CILP2: variants seen among roughly 807,000 people sequenced by gnomAD.
CILP2 encodes the protein cartilage intermediate layer protein 2.
In CILP2, 38 loss-of-function variants were observed where a neutral mutation model predicts 45.6. The ratio of observed to expected loss-of-function variants is 0.83; its 90% confidence interval spans 0.64 to 1.09. CILP2 has a LOEUF of 1.09. Among genes scored for constraint, CILP2 ranks in the 50% least tolerant of loss-of-function variants. The pLI is 0.00. For synonymous variants in CILP2, 780 were observed against 723.5 expected (o/e 1.08, Z -1.25); for missense variants, 1,735 against 1,662.2 (o/e 1.04, Z -0.76).
intron 4 of CILP2, among the ~76,000 whole-genome samples, chr19:19,541,924 C>T (rs1345380278): frequency 6.6e-6 from 1 of 152,178 alleles, no homozygotes; most frequent in Non-Finnish European, 1.5e-5. Context: ...CACCCCATCG[C>T]GCCTGGCTCT....
chr19:19,543,984 T>C lies in CILP2; in HGVS notation c.1439T>C (p.Val480Ala). The C allele has an allele frequency of 6.2e-7, 1 of 1,613,282 alleles. No homozygotes were observed. Among genetic ancestry groups the C allele is most frequent in the Non-Finnish European group, 8.5e-7 (1 of 1,179,758 alleles). Residue 480 changes from valine to alanine, a missense_variant, in exon 8 of 8, where the codon GTG becomes GCG. Transcript: ENST00000291495. ...CGGGGGCTGGTCCGGGGCCGTGTTGTGGCTGCTGACTCCGGGGAGCCGCTA... is the reference window on the plus strand; with the variant it reads ...CGGGGGCTGGTCCGGGGCCGTGTTGCGGCTGCTGACTCCGGGGAGCCGCTA... ...PPRGLVRGRV[V>A]AADSGEPLRF...
Position 19,544,758 on chromosome 19 carries a change from T to C in CILP2, c.2213T>C (p.Phe738Ser). 6.2e-7 allele frequency: 1 copy of C among 1,606,926 alleles called. No individual in the cohort carries two copies. The highest frequency in any genetic ancestry group is 1.1e-5 in the South Asian group (1 of 91,038). Residue 738 changes from phenylalanine to serine, a missense_variant, in exon 8 of 8, where the codon TTC becomes TCC. Physicochemically the swap from Phe to Ser is radical, Grantham distance 155 (BLOSUM62 -2). Transcript: ENST00000291495. The stretch of plus-strand genomic sequence containing the variant: ...GACGTGCCTGAGCGCCGCCGCTGCT[T>C]CGTGAAGGTGCGCGCCTACGCCAAC... ...NLDVPERRRCFVKVRAYANDK... is the reference protein window; with the variant it reads ...NLDVPERRRCSVKVRAYANDK...
rs1568369991 is a variant in CILP2 at position 19,544,255 on chromosome 19, CCCCCTGGGCGAGCTGGAAGATGAGGCG to C, written c.1727_1753del (p.Glu576_Leu584del). ...TACATACCAGCCAGAGCAACACGAT[CCCCCTGGGCGAGCTGGAAGATGAGGCG>C]CCCCTGGGCGAGCTGGTCCTGCCTT... On this transcript the variant is annotated inframe_deletion, in exon 8 of 8. Coordinates refer to ENST00000291495, the MANE Select transcript of CILP2 (RefSeq NM_153221.2). 1 of 1,613,756 alleles carries C rather than the reference CCCCCTGGGCGAGCTGGAAGATGAGGCG, an allele frequency of 6.2e-7. No homozygotes were observed.
In CILP2 at chr19:19,544,173, G is replaced by C. The variant is rs779441347; in HGVS notation, c.1628G>C (p.Arg543Pro). ...GTCCGGGTCTTGCCTTTTGATCCTC[G>C]AGGTGCCGGCGTGTACCACGAGGTC... Reference protein sequence around the residue: ...DAVRVLPFDPRGAGVYHEVKA... With the variant: ...DAVRVLPFDPPGAGVYHEVKA... The change falls in exon 8 of 8, where the codon CGA becomes CCA. Residue 543 changes from arginine to proline, a missense_variant. Coordinates refer to ENST00000291495, the MANE Select transcript of CILP2 (RefSeq NM_153221.2). 6.2e-7 allele frequency: 1 copy of C among 1,613,706 alleles called. No homozygotes were observed. The highest frequency in any genetic ancestry group is 1.1e-5 in the South Asian group (1 of 91,082).
At chr19:19,543,450 G>C in intron 7 of CILP2, 45 bp downstream of exon 7, 2 of 1,607,006 alleles carry the variant, frequency 1.2e-6, no homozygotes, top group South Asian at 1.1e-5. Context: ...TCACCCAAAC[G>C]GAACCCGGAC....
Position 19,539,765 on chromosome 19 carries a change from G to A in CILP2, c.151G>A (p.Glu51Lys). The change falls in exon 2 of 8, where the codon GAG becomes AAG. Residue 51 changes from glutamate (E) to lysine (K), a missense_variant. By Grantham distance (56) the Glu-to-Lys change is moderately conservative. Transcript: ENST00000291495. ...CACCGGCCAGCCCTCACCAGCCCTG[G>A]AGGACTGGGAAGGTGAGTTAGCCTG... is the stretch of plus-strand genomic sequence containing the variant. ...VYTGQPSPAL[E>K]DWEEASEWTS... 6.3e-7 allele frequency: 1 copy of A among 1,592,796 alleles called. No individual in the cohort carries two copies. Among genetic ancestry groups the A allele is most frequent in the East Asian group, 2.3e-5 (1 of 43,390 alleles).
At chr19:19,539,577 AAAAG>A in intron 1 of CILP2, 98 bp from the exon 2 acceptor site, 3 of 727,932 alleles carry the variant, frequency 4.1e-6, no homozygotes, top group South Asian at 2.9e-5. Flanking sequence ...AAAAAAAAAA[AAAAG>A]GGGGGGGATG....
In CILP2 at chr19:19,544,316, T is replaced by C; in HGVS notation, c.1771T>C (p.Phe591Leu). The C allele has an allele frequency of 6.2e-7, 1 of 1,612,500 alleles. No homozygotes were observed. The highest frequency in any genetic ancestry group is 8.5e-7 in the Non-Finnish European group (1 of 1,179,946). The change falls in exon 8 of 8, where the codon TTC becomes CTC. Residue 591 changes from phenylalanine (F) to leucine (L), a missense_variant. Coordinates refer to ENST00000291495, the MANE Select transcript of CILP2 (RefSeq NM_153221.2). ...LGELVLPSGAFRRADGKPYSG... is the reference protein window; with the variant it reads ...LGELVLPSGALRRADGKPYSG... ...CGAGCTGGTCCTGCCTTCTGGCGCTTTCCGCAGAGCCGACGGCAAACCCTA... is the reference window on the plus strand; with the variant it reads ...CGAGCTGGTCCTGCCTTCTGGCGCTCTCCGCAGAGCCGACGGCAAACCCTA...
rs1357264786 is a variant in CILP2 at position 19,542,626 on chromosome 19, G to T, written c.844G>T (p.Val282Phe). 6.2e-7 allele frequency: 1 copy of T among 1,614,082 alleles called. No individual in the cohort carries two copies. Among genetic ancestry groups the T allele is most frequent in the Admixed American group, 1.7e-5 (1 of 60,024 alleles). ...CCAGGCCAACGGATCCATCTCTGTG[G>T]TCACCATCATCCTTGATAAGTTGGG... ...QAQANGSISV[V>F]TIILDKLEKP... Residue 282 changes from valine to phenylalanine, a missense_variant, in exon 5 of 8, where the codon GTC becomes TTC. Coordinates refer to ENST00000291495, the MANE Select transcript of CILP2 (RefSeq NM_153221.2).
At chr19:19,540,087 G>T (rs1211824401) in intron 2 of CILP2, 117 bp from the exon 3 acceptor site, 2 of 1,343,384 alleles carry the variant, frequency 1.5e-6, no homozygotes, top group Admixed American at 3.1e-5. Flanking sequence ...TCGTGGGCGC[G>T]CTCGGCTAGC....
intron 7 of CILP2, 34 bp from the exon 8 acceptor site, chr19:19,543,647 C>G: frequency 6.4e-7 from 1 of 1,561,824 alleles, no homozygotes; most frequent in Non-Finnish European, 8.7e-7. Context: ...AGTCCTCCTC[C>G]CTGCCCTGAC....
rs781547770 is a variant in CILP2, at chr19:19,543,841, C to T, written c.1296C>T (p.Asp432=). 3.1e-6 allele frequency: 5 copies of T among 1,613,800 alleles called. No homozygotes were observed. Among genetic ancestry groups the T allele is most frequent in the Admixed American group, 3.3e-5 (2 of 60,012 alleles). Residue 432 remains aspartate (D), a synonymous_variant, in exon 8 of 8, where the codon GAC becomes GAT. Transcript: ENST00000291495. The part of the protein sequence containing the change: ...SLAGSSPRCG[D]ASSRCCSVRR... Reference sequence around the variant, plus strand: ...CAGGCTCCAGCCCCCGCTGCGGGGACGCCAGCTCCCGCTGCTGCTCTGTGC... The same window carrying T: ...CAGGCTCCAGCCCCCGCTGCGGGGATGCCAGCTCCCGCTGCTGCTCTGTGC...
chr19:19,545,077 C>T lies in CILP2; in HGVS notation c.2532C>T (p.Tyr844=), dbSNP rs537766601. ...AGCCCTACCTGGACAGGCTGGGGTA[C>T]CGTCGGACGGACCACGACGATCCCG... The part of the protein sequence containing the change: ...VTQPYLDRLG[Y]RRTDHDDPAF... The change falls in exon 8 of 8, where the codon TAC becomes TAT. Residue 844 remains tyrosine, a synonymous_variant. Transcript: ENST00000291495. 1.9e-6 allele frequency: 3 copies of T among 1,609,970 alleles called. No individual in the cohort carries two copies. The highest frequency in any genetic ancestry group is 1.1e-5 in the South Asian group (1 of 90,846).
intron 6 of CILP2, 97 bp downstream of exon 6, chr19:19,543,069 A>C (rs573835129): frequency 6.0e-6 from 6 of 1,006,202 alleles, no homozygotes; most frequent in Non-Finnish European, 9.1e-6. Flanking sequence ...AGAGTGGGGA[A>C]AGCGTTAACG....
rs759200895 is a variant in CILP2, at chr19:19,545,116, C to T, written c.2571C>T (p.Asn857=). ...TDHDDPAFKR[N]GFRINLAKPR... The stretch of plus-strand genomic sequence containing the variant: ...ACGACGATCCCGCCTTCAAGCGTAA[C>T]GGCTTCCGCATCAACCTCGCCAAGC... The change falls in exon 8 of 8, where the codon AAC becomes AAT. Residue 857 remains asparagine, a synonymous_variant. Transcript: ENST00000291495. The T allele has an allele frequency of 6.2e-6, 10 of 1,611,990 alleles. No individual in the cohort carries two copies. Among genetic ancestry groups the T allele is most frequent in the Middle Eastern group, 3.3e-4 (2 of 6,058 alleles).
chr19:19,545,003 C>A lies in CILP2; in HGVS notation c.2458C>A (p.Pro820Thr). The A allele has an allele frequency of 6.2e-7, 1 of 1,601,726 alleles. No homozygotes were observed. Among genetic ancestry groups the A allele is most frequent in the Non-Finnish European group, 8.5e-7 (1 of 1,178,444 alleles). The change falls in exon 8 of 8, where the codon CCG (proline) becomes ACG (threonine). Residue 820 changes from proline (P) to threonine (T), a missense_variant. Pro to Thr is a conservative substitution (Grantham distance 38). Transcript: ENST00000291495. ...TATLGGEELE[P>T]APSLPRPLPA... is the part of the protein sequence containing the mutation. ...CACCCTGGGCGGCGAGGAGCTGGAG[C>A]CGGCCCCTTCCTTGCCCCGCCCACT...
Position 19,545,480 on chromosome 19 carries a change from C to T in CILP2, c.2935C>T (p.Arg979Ter), listed in dbSNP as rs1207088951. ...CGGACTTCGGGATGCCCGGAGTGTG[C>T]GAGACCCCGAGCGTCCGGGCACCTC... The part of the protein sequence containing the change: ...LYGLRDARSV[R>*]DPERPGTSAA... The change falls in exon 8 of 8, where the codon CGA (arginine) becomes TGA (stop). Residue 979 changes from arginine (R) to a stop codon, truncating the protein, a stop_gained. Coordinates refer to ENST00000291495, the MANE Select transcript of CILP2 (RefSeq NM_153221.2). LOFTEE classifies it low-confidence loss of function (END_TRUNC). 4 of 1,612,052 alleles carry T rather than the reference C, an allele frequency of 2.5e-6. No homozygotes were observed. The highest frequency in any genetic ancestry group is 1.7e-6 in the Non-Finnish European group (2 of 1,179,722).
chr19:19,545,608 G>T lies in CILP2; in HGVS notation c.3063G>T (p.Val1021=). 1 of 1,608,562 alleles carries T rather than the reference G, an allele frequency of 6.2e-7. No homozygotes were observed. Among genetic ancestry groups the T allele is most frequent in the Non-Finnish European group, 8.5e-7 (1 of 1,177,264 alleles). ...TGCCCCAGGGCAGCTGCCGGCGCGT[G>T]GCCGTCAACGGACTCCTTCGGGATT... The part of the protein sequence containing the change: ...TIMPQGSCRR[V]AVNGLLRDYL... The change falls in exon 8 of 8, where the codon GTG becomes GTT. Residue 1021 remains valine (V), a synonymous_variant. Coordinates refer to ENST00000291495, the MANE Select transcript of CILP2 (RefSeq NM_153221.2).
chr19:19,543,774 TG>T lies in CILP2; in HGVS notation c.1231del (p.Asp411MetfsTer47). The T allele has an allele frequency of 6.2e-7, 1 of 1,613,896 alleles. No homozygotes were observed. Among genetic ancestry groups the T allele is most frequent in the South Asian group, 1.1e-5 (1 of 91,062 alleles). ...CGQPGSGPAY[L>X]DVGLCPDTRC... Reference sequence around the variant, plus strand: ...CAGCCAGGTAGTGGCCCTGCCTACCTGGATGTGGGCCTCTGTCCCGACACCC... The same window carrying T: ...CAGCCAGGTAGTGGCCCTGCCTACCTGATGTGGGCCTCTGTCCCGACACCC... On this transcript the variant is annotated frameshift_variant, in exon 8 of 8. Coordinates refer to ENST00000291495, the MANE Select transcript of CILP2 (RefSeq NM_153221.2). LOFTEE classifies it low-confidence loss of function (END_TRUNC).
Sources: allele counts gnomAD v4.1 joint callset (sites outside exome capture counted in the v4.1 genomes callset), GRCh38; gene constraint gnomAD v4.1.1; transcripts MANE v1.5; gene names NCBI Gene and HGNC (gene_info 2026-07-23, HGNC 2026-07-21).